Variants in GARRE1 observed in about 807,000 individuals in gnomAD.
The protein encoded by GARRE1 is granule associated Rac and RHOG effector 1.
GARRE1 carries 49 observed loss-of-function variants against 103.2 expected under a neutral mutation model. The ratio of observed to expected loss-of-function variants is 0.47; its 90% CI spans 0.38 to 0.60. The LOEUF (loss-of-function observed/expected upper bound fraction) is 0.60. Among genes scored for constraint, GARRE1 ranks in the 20% least tolerant of loss-of-function variants. The pLI is 0.00. For synonymous variants in GARRE1, 505 were observed against 532.8 expected, an observed-to-expected ratio of 0.95 and a Z score of 0.72; for missense variants, 1,199 against 1,370.5, an observed-to-expected ratio of 0.87 and a Z score of 1.98.
chr19:34,258,181 A>T (rs1490944995), intron 1 of GARRE1, among the ~76,000 whole-genome samples: 1 of 151,952 alleles, frequency 6.6e-6, no homozygotes, highest in Non-Finnish European at 1.5e-5. Flanking sequence ...GGCCTTCTTG[A>T]CTTGGAACTA....
At position 34,345,128 on chromosome 19, in the gene GARRE1, G is replaced by A. The variant is rs529440419; in HGVS notation, c.2521+2673G>A. On this transcript the variant is annotated intron_variant, in intron 10 of 13. Transcript: ENST00000299505. Reference sequence around the variant, plus strand: ...GCTGGGATTACAGGCATGAGCCACCGCGCCCATAGAGATGGGGTTTTGCCA... The same window carrying A: ...GCTGGGATTACAGGCATGAGCCACCACGCCCATAGAGATGGGGTTTTGCCA... Among the ~76,000 whole-genome samples the A allele has an allele frequency of 3.3e-5, 5 of 152,250 alleles. No individual in the cohort carries two copies. The East Asian group carries it at 9.7e-4, about 29-fold the overall frequency.
At chr19:34,344,468 G>A (rs1379027858) in intron 10 of GARRE1, among the ~76,000 whole-genome samples, 5 of 150,684 alleles carry the variant, frequency 3.3e-5, no homozygotes, top group Non-Finnish European at 5.9e-5. Context: ...GCGGGCGCCT[G>A]TAGTCCCAGC....
chr19:34,258,917 AG>A (rs1160582084), intron 1 of GARRE1, among the ~76,000 whole-genome samples: 3 of 152,124 alleles, frequency 2.0e-5, no homozygotes, highest in African/African-American at 7.2e-5. Flanking sequence ...AATGAATTTT[AG>A]GTCTGGCACA....
chr19:34,308,148 T>A (rs2074019395), intron 2 of GARRE1, among the ~76,000 whole-genome samples: 1 of 151,920 alleles, frequency 6.6e-6, no homozygotes, highest in Admixed American at 6.6e-5. Flanking sequence ...CCAGAAATAT[T>A]GTAGAGTAAC....
intron 1 of GARRE1, among the ~76,000 whole-genome samples, chr19:34,266,984 C>A (rs2073756512): frequency 6.6e-6 from 1 of 151,862 alleles, no homozygotes; most frequent in East Asian, 1.9e-4. Context: ...TTTTCTTGGG[C>A]CAGACATGGT....
rs999957463 is a variant in GARRE1, at chr19:34,264,589, G to A, written c.-796+9975G>A. On this transcript the variant is annotated intron_variant, in intron 1 of 13. Coordinates refer to ENST00000299505, the MANE Select transcript of GARRE1 (RefSeq NM_014686.5). ...AATTTTTTGTATTTTTAGTAGAGACGGGGTTTCACTGTGTTAGCCAGGATG... is the reference window on the plus strand; with the variant it reads ...AATTTTTTGTATTTTTAGTAGAGACAGGGTTTCACTGTGTTAGCCAGGATG... 1.0e-3 allele frequency among the ~76,000 whole-genome samples: 159 copies of A among 152,066 alleles called. 1 individual carries two copies. Among genetic ancestry groups the A allele is most frequent in the Non-Finnish European group, 2.2e-3 (149 of 68,016 alleles).
intron 1 of GARRE1, among the ~76,000 whole-genome samples, chr19:34,261,836 T>C (rs1001970312): frequency 2.0e-5 from 3 of 152,212 alleles, no homozygotes; most frequent in Non-Finnish European, 4.4e-5. Context: ...CTTCAGGTCC[T>C]GTGCTGAGTC....
chr19:34,327,512 C>A lies in GARRE1; in HGVS notation c.797C>A (p.Pro266His). Residue 266 changes from proline to histidine, a missense_variant, in exon 4 of 14, where the codon CCT (proline) becomes CAT (histidine). Transcript: ENST00000299505. ...TTTTGTTCTCAAAGTGCAGCAATTC[C>A]TGAGCACCAGCTAAAAGAACTGAAC... is the stretch of plus-strand genomic sequence containing the variant. ...QLFCSQSAAI[P>H]EHQLKELNIK... The A allele has an allele frequency of 6.2e-7, 1 of 1,614,082 alleles. No individual in the cohort carries two copies. The highest frequency in any genetic ancestry group is 8.5e-7 in the Non-Finnish European group (1 of 1,180,004).
chr19:34,266,063 T>C (rs982836720), intron 1 of GARRE1, among the ~76,000 whole-genome samples: 1 of 152,218 alleles, frequency 6.6e-6, no homozygotes, highest in Non-Finnish European at 1.5e-5. Context: ...TTATTAACGG[T>C]AAGCTCCTTG....
intron 1 of GARRE1, among the ~76,000 whole-genome samples, chr19:34,259,959 C>T (rs773072405): frequency 1.7e-4 from 26 of 152,344 alleles, no homozygotes; most frequent in South Asian, 1.0e-3. Flanking sequence ...TGAAGAAGGA[C>T]GTGTTTGCTT....
chr19:34,256,926 G>A (rs1043773816), intron 1 of GARRE1, among the ~76,000 whole-genome samples: 3 of 151,538 alleles, frequency 2.0e-5, no homozygotes, highest in Admixed American at 6.6e-5. Flanking sequence ...GTTTATTGCC[G>A]TTTCATTTGC....
chr19:34,258,049 C>G (rs1017425632), intron 1 of GARRE1, among the ~76,000 whole-genome samples: 1 of 151,844 alleles, frequency 6.6e-6, no homozygotes, highest in Non-Finnish European at 1.5e-5. Flanking sequence ...GCCACCACCC[C>G]CAGCAAATTT....
chr19:34,288,086 G>A (rs1265133591), intron 1 of GARRE1, among the ~76,000 whole-genome samples: 1 of 152,048 alleles, frequency 6.6e-6, no homozygotes, highest in Non-Finnish European at 1.5e-5. Flanking sequence ...TTTAGTCCAA[G>A]CCTTAGGCCT....
At chr19:34,319,004 G>A (rs2074072565) in intron 2 of GARRE1, among the ~76,000 whole-genome samples, 1 of 131,642 alleles carries the variant, frequency 7.6e-6, no homozygotes, top group Non-Finnish European at 1.7e-5. Flanking sequence ...GACAGAGCGA[G>A]ACTCCATTTC....
At chr19:34,293,866 C>G (rs1178479994) in intron 1 of GARRE1, among the ~76,000 whole-genome samples, 1 of 140,462 alleles carries the variant, frequency 7.1e-6, no homozygotes, top group Non-Finnish European at 1.5e-5. Context: ...TGGAGTGATT[C>G]TCCTGCCTCA....
intron 1 of GARRE1, among the ~76,000 whole-genome samples, chr19:34,284,110 A>G (rs868647675): frequency 7.3e-6 from 1 of 136,620 alleles, no homozygotes; most frequent in Non-Finnish European, 1.5e-5. Flanking sequence ...AAGTGCTGGG[A>G]TTACAGGCCC....
intron 2 of GARRE1, among the ~76,000 whole-genome samples, chr19:34,313,678 T>A (rs2074047154): frequency 6.6e-6 from 1 of 152,150 alleles, no homozygotes; most frequent in Admixed American, 6.5e-5. Flanking sequence ...AAAAGTACAC[T>A]CATGTGAACA....
intron 1 of GARRE1, among the ~76,000 whole-genome samples, chr19:34,297,627 CCA>C (rs2073954308): frequency 6.6e-6 from 1 of 152,162 alleles, no homozygotes; most frequent in African/African-American, 2.4e-5. Flanking sequence ...CCTTCAGAGG[CCA>C]CAGAGTCTCC....
In GARRE1 at chr19:34,300,542, G is replaced by A; in HGVS notation, c.69G>A (p.Lys23=). 6.2e-7 allele frequency: 1 copy of A among 1,613,488 alleles called. No homozygotes were observed. The highest frequency in any genetic ancestry group is 8.5e-7 in the Non-Finnish European group (1 of 1,179,966). The stretch of plus-strand genomic sequence containing the variant: ...GGCGCTTCCTGCTTGGCGGGTCCAA[G>A]CAGAAGGTGCAGCAGCACCAGCAAT... ...YKRRFLLGGS[K]QKVQQHQQYP... The change falls in exon 2 of 14, where the codon AAG becomes AAA. Residue 23 remains lysine (K), a synonymous_variant. Coordinates refer to ENST00000299505, the MANE Select transcript of GARRE1 (RefSeq NM_014686.5).
Sources: allele counts gnomAD v4.1 joint callset (sites outside exome capture counted in the v4.1 genomes callset), GRCh38; gene constraint gnomAD v4.1.1; transcripts MANE v1.5; gene names NCBI Gene and HGNC (gene_info 2026-07-23, HGNC 2026-07-21).